Variants in SLCO2B1 observed in about 807,000 individuals in gnomAD.
The protein encoded by SLCO2B1 is OATP-RP2.
A neutral mutation model predicts 67.3 loss-of-function variants in SLCO2B1; 41 were observed. The ratio of observed to expected loss-of-function variants is 0.61; its 90% CI spans 0.47 to 0.79. SLCO2B1 has a LOEUF of 0.79. SLCO2B1 is among the 30% of genes least tolerant of loss of function. The pLI is 0.00. For missense variants in SLCO2B1, 837 were observed against 920.1 expected, an observed-to-expected ratio of 0.91 and a Z score of 1.17; for synonymous variants, 379 against 381.4, an observed-to-expected ratio of 0.99 and a Z score of 0.07.
Position 75,193,970 on chromosome 11 carries a change from G to A in SLCO2B1, c.1433+395G>A, listed in dbSNP as rs1482230044. 6.6e-6 allele frequency among the ~76,000 whole-genome samples: 1 copy of A among 152,156 alleles called. No homozygotes were observed. Among genetic ancestry groups the A allele is most frequent in the Non-Finnish European group, 1.5e-5 (1 of 68,008 alleles). ...GCCAGAGGAATGGCCTGCCCAGGAG[G>A]AAGCATGCTCTCCATCCTGGGGACG... is the stretch of plus-strand genomic sequence containing the variant. On this transcript the variant is annotated intron_variant, in intron 9 of 13. Transcript: ENST00000289575. This position sits in a 1 kb window ranked among gnomAD's most constrained non-coding sequence, Gnocchi z 4.2.
intron 8 of SLCO2B1, among the ~76,000 whole-genome samples, chr11:75,189,893 T>C: frequency 6.6e-6 from 1 of 151,512 alleles, no homozygotes; most frequent in African/African-American, 2.4e-5. Context: ...ACCTGGGAGT[T>C]TGAGGCTGCA....
chr11:75,192,054 C>T (rs1301879280), intron 8 of SLCO2B1, among the ~76,000 whole-genome samples: 2 of 152,094 alleles, frequency 1.3e-5, no homozygotes, highest in Non-Finnish European at 2.9e-5. Context: ...TTTGCCCCTC[C>T]TGGGCCCCTA....
In SLCO2B1 at chr11:75,196,528, T is replaced by G. The variant is rs1475155458; in HGVS notation, c.1448T>G (p.Leu483Arg). 6.2e-7 allele frequency: 1 copy of G among 1,613,810 alleles called. No homozygotes were observed. Among genetic ancestry groups the G allele is most frequent in the Non-Finnish European group, 8.5e-7 (1 of 1,179,882 alleles). ...ITHQTSAHPG[L>R]ELSPSCMEAC... ...TCTCCCACCAGTGCCCACCCTGGGC[T>G]GGAGCTGTCTCCAAGCTGCATGGAG... The change falls in exon 10 of 14, where the codon CTG becomes CGG. Residue 483 changes from leucine to arginine, a missense_variant. Leu to Arg is a moderately radical substitution (Grantham distance 102). Coordinates refer to ENST00000289575, the MANE Select transcript of SLCO2B1 (RefSeq NM_007256.5).
chr11:75,172,314 G>C (rs1485614006), intron 6 of SLCO2B1, 65 bp from the exon 7 acceptor site: 1 of 1,470,210 alleles, frequency 6.8e-7, no homozygotes, highest in East Asian at 2.3e-5. Flanking sequence ...CCAGTCCCAG[G>C]ATGGCGGCTT....
At chr11:75,186,295 G>A (rs867190801) in intron 7 of SLCO2B1, among the ~76,000 whole-genome samples, 12 of 151,040 alleles carry the variant, frequency 7.9e-5, no homozygotes, top group Middle Eastern at 3.4e-3. Context: ...TACAACCTCC[G>A]CCTCCCAGGT....
In SLCO2B1 at chr11:75,169,370, G is replaced by T; in HGVS notation, c.646G>T (p.Asp216Tyr). The T allele has an allele frequency of 6.2e-7, 1 of 1,608,704 alleles. No individual in the cohort carries two copies. Among genetic ancestry groups the T allele is most frequent in the African/African-American group, 1.3e-5 (1 of 74,968 alleles). ...GCCCTTTGGCATCTCCTACATCGAT[G>T]ACTTTGCCCACAACAGCAACTCGCC... ...IQPFGISYID[D>Y]FAHNSNSPLY... The change falls in exon 5 of 14, where the codon GAC becomes TAC. Residue 216 changes from aspartate (D) to tyrosine (Y), a missense_variant. Coordinates refer to ENST00000289575, the MANE Select transcript of SLCO2B1 (RefSeq NM_007256.5).
rs1012113900 is a variant in SLCO2B1, at chr11:75,205,853, C to T, written c.*1273C>T. 2.6e-5 allele frequency: 4 copies of T among 152,318 alleles called. No individual in the cohort carries two copies. The highest frequency in any genetic ancestry group is 3.4e-3 in the Middle Eastern group (1 of 294). 9.4% of individuals were successfully genotyped at this position (152,318 alleles called of 1,614,324 possible). A position where few individuals can be genotyped will look rare whatever the true frequency, so the allele number is the denominator to read the frequency against. Reference sequence around the variant, plus strand: ...CTGCTCCCAGCCCAACCTATTACCACCCCACCTCGCTGGGACCTACTGCTC... The same window carrying T: ...CTGCTCCCAGCCCAACCTATTACCATCCCACCTCGCTGGGACCTACTGCTC... On this transcript the variant is annotated 3_prime_UTR_variant, in exon 14 of 14. Transcript: ENST00000289575.
chr11:75,165,544 G>A (rs1159582437), intron 3 of SLCO2B1, among the ~76,000 whole-genome samples: 2 of 152,144 alleles, frequency 1.3e-5, no homozygotes, highest in Non-Finnish European at 2.9e-5. Context: ...GTTCTAACAT[G>A]GGGTCCAATC....
intron 2 of SLCO2B1, 55 bp downstream of exon 2, chr11:75,162,840 C>T (rs925936652): frequency 4.1e-5 from 65 of 1,576,476 alleles, no homozygotes; most frequent in East Asian, 1.4e-4. Flanking sequence ...GGCTCTGCCA[C>T]GTGCTGGTGG....
At chr11:75,179,771 C>G (rs1950072225) in intron 7 of SLCO2B1, among the ~76,000 whole-genome samples, 1 of 152,136 alleles carries the variant, frequency 6.6e-6, no homozygotes, top group Admixed American at 6.5e-5. Context: ...GAGTCTCACT[C>G]TGTCACCCAG....
intron 2 of SLCO2B1, among the ~76,000 whole-genome samples, chr11:75,163,455 G>T (rs1356595692): frequency 1.3e-5 from 2 of 152,090 alleles, no homozygotes; most frequent in East Asian, 1.9e-4. Context: ...GAGAGGACTA[G>T]TGGGGGTGGG....
At chr11:75,177,969 C>T (rs576807682) in intron 7 of SLCO2B1, among the ~76,000 whole-genome samples, 2 of 151,962 alleles carry the variant, frequency 1.3e-5, no homozygotes, top group African/African-American at 4.8e-5. Flanking sequence ...TGGTGGGCAC[C>T]TGTAGCCCCA....
At chr11:75,172,594 C>T in intron 7 of SLCO2B1, 25 bp downstream of exon 7, 1 of 1,597,510 alleles carries the variant, frequency 6.3e-7, no homozygotes, top group Non-Finnish European at 8.6e-7. Flanking sequence ...TGTCACCTGA[C>T]TGGGTCCAGG....
chr11:75,177,357 G>C (rs1377320745), intron 7 of SLCO2B1, among the ~76,000 whole-genome samples: 5 of 152,098 alleles, frequency 3.3e-5, no homozygotes, highest in Non-Finnish European at 7.4e-5. Flanking sequence ...CTAAAGAAGG[G>C]ATGAAAGGTA....
Position 75,172,369 on chromosome 11 carries a change from T to C in SLCO2B1, c.782-10T>C. On this transcript the variant is annotated splice_polypyrimidine_tract_variant and intron_variant, in intron 6 of 13. Transcript: ENST00000289575. ...CCTGACCCTAATGTCACCATGCTCTTCTCTTCCAGGTGGTATCAGCCTGAC... is the reference window on the plus strand; with the variant it reads ...CCTGACCCTAATGTCACCATGCTCTCCTCTTCCAGGTGGTATCAGCCTGAC... 1.2e-6 allele frequency: 2 copies of C among 1,608,356 alleles called. No homozygotes were observed. The highest frequency in any genetic ancestry group is 1.7e-6 in the Non-Finnish European group (2 of 1,176,338).
chr11:75,196,175 C>A, intron 9 of SLCO2B1: 1 of 212,052 alleles, frequency 4.7e-6, no homozygotes, highest in Non-Finnish European at 9.3e-6. Context: ...CATTGATTTT[C>A]GGAGAAAGGA....
At chr11:75,162,539 A>T in intron 1 of SLCO2B1, 116 bp from the exon 2 acceptor site, 1 of 1,118,958 alleles carries the variant, frequency 8.9e-7, no homozygotes, top group Non-Finnish European at 1.3e-6. Flanking sequence ...CTCATCAACC[A>T]CTAAGAACTC....
chr11:75,202,780 A>T lies in SLCO2B1; in HGVS notation c.1764-121A>T, dbSNP rs374059146. On this transcript the variant is annotated intron_variant, in intron 11 of 13. Coordinates refer to ENST00000289575, the MANE Select transcript of SLCO2B1 (RefSeq NM_007256.5). ...CCCCCAGCCTAGATCATCAGATGGGAGAGAGGCTGGCTCTGGGTGGTGGGA... is the reference window on the plus strand; with the variant it reads ...CCCCCAGCCTAGATCATCAGATGGGTGAGAGGCTGGCTCTGGGTGGTGGGA... 16 of 848,700 alleles carry T rather than the reference A, an allele frequency of 1.9e-5. No individual in the cohort carries two copies. In the African/African-American group the frequency reaches 2.2e-4, roughly 11 times the overall value. 52.6% of individuals were successfully genotyped at this position (848,700 alleles called of 1,614,324 possible).
At chr11:75,189,970 A>AG (rs1407673468) in intron 8 of SLCO2B1, among the ~76,000 whole-genome samples, 5 of 151,656 alleles carry the variant, frequency 3.3e-5, no homozygotes, top group Admixed American at 6.6e-5. Context: ...TGGAAAAAAA[A>AG]AAAAAAAAAG....
Sources: allele counts gnomAD v4.1 joint callset (sites outside exome capture counted in the v4.1 genomes callset), GRCh38; gene constraint gnomAD v4.1.1; non-coding constraint Gnocchi (gnomAD v3.1); transcripts MANE v1.5; gene names NCBI Gene and HGNC (gene_info 2026-07-23, HGNC 2026-07-21).